Variants in PRDM6 observed in about 807,000 individuals in gnomAD.
The protein encoded by PRDM6 is PR/SET domain 6.
A neutral mutation model predicts 60.8 loss-of-function variants in PRDM6; 25 were observed. The observed-to-expected ratio is 0.41, with a 90% CI of 0.30 to 0.57. The LOEUF is 0.57. Ranked by LOEUF, PRDM6 falls within the 20% of genes least tolerant of loss-of-function variation. PRDM6 has a pLI of 0.27. For missense variants in PRDM6, 839 were observed against 821.3 expected (o/e 1.02, Z -0.26); for synonymous variants, 407 against 357.4 (o/e 1.14, Z -1.57).
At chr5:123,098,579 G>T (rs1764015556) in intron 2 of PRDM6, among the ~76,000 whole-genome samples, 1 of 152,192 alleles carries the variant, frequency 6.6e-6, no homozygotes, top group Non-Finnish European at 1.5e-5. Context: ...GCCCACTACC[G>T]CCCGGCCCGG....
At chr5:123,100,039 T>TTGGCCGGCA in intron 3 of PRDM6, 78 bp downstream of exon 3, 2 of 1,391,534 alleles carry the variant, frequency 1.4e-6, no homozygotes, top group Non-Finnish European at 9.5e-7. Flanking sequence ...GCAGGGAGCC[T>TTGGCCGGCA]GGCCTTTGGC....
At chr5:123,093,550 A>T (rs1246236785) in intron 2 of PRDM6, among the ~76,000 whole-genome samples, 2 of 152,142 alleles carry the variant, frequency 1.3e-5, no homozygotes. Flanking sequence ...TACAGTTTCC[A>T]CCGAAGCTCT....
chr5:123,159,281 T>G (rs1437141258), intron 4 of PRDM6, among the ~76,000 whole-genome samples: 2 of 152,204 alleles, frequency 1.3e-5, no homozygotes, highest in African/African-American at 2.4e-5. Flanking sequence ...TATCTGTCTC[T>G]TCAGCCAGTT....
intron 3 of PRDM6, among the ~76,000 whole-genome samples, chr5:123,146,044 T>A (rs1765231247): frequency 6.6e-6 from 1 of 152,230 alleles, no homozygotes; most frequent in African/African-American, 2.4e-5. Flanking sequence ...GTCTATTTTT[T>A]AGAGATGTTC....
chr5:123,166,258 C>G (rs1765749892), intron 5 of PRDM6, among the ~76,000 whole-genome samples: 1 of 152,176 alleles, frequency 6.6e-6, no homozygotes, highest in South Asian at 2.1e-4. Context: ...GCACAAGACT[C>G]TATGGCAAAG....
chr5:123,170,656 A>C (rs1401293505), intron 5 of PRDM6, 110 bp from the exon 6 acceptor site: 2 of 829,812 alleles, frequency 2.4e-6, no homozygotes, highest in African/African-American at 3.5e-5. Flanking sequence ...TGAGTCCAGA[A>C]ACACAAATTC....
At chr5:123,091,140 CGCTGGCCAGGCCTCACT>C (rs995505686) in intron 2 of PRDM6, among the ~76,000 whole-genome samples, 4 of 152,102 alleles carry the variant, frequency 2.6e-5, no homozygotes, top group Non-Finnish European at 4.4e-5. Context: ...GGGAGCTGTT[CGCTGGCCAGGCCTCACT>C]GGAGTAGGAA....
At chr5:123,133,072 A>G (rs1764870693) in intron 3 of PRDM6, among the ~76,000 whole-genome samples, 1 of 152,118 alleles carries the variant, frequency 6.6e-6, no homozygotes, top group Admixed American at 6.5e-5. Flanking sequence ...CTTGATATTG[A>G]TAACACATTT....
chr5:123,163,935 A>G (rs1253192236), intron 5 of PRDM6, among the ~76,000 whole-genome samples: 1 of 152,132 alleles, frequency 6.6e-6, no homozygotes, highest in East Asian at 1.9e-4. Context: ...AAGAGCAGAA[A>G]ATAAAAAGTG....
chr5:123,159,825 G>C (rs1181371626), intron 5 of PRDM6, among the ~76,000 whole-genome samples, 187 bp downstream of exon 5: 2 of 152,152 alleles, frequency 1.3e-5, no homozygotes, highest in Non-Finnish European at 2.9e-5. Context: ...ATCTTAACCT[G>C]TATGGGCCAG....
At chr5:123,091,827 A>G (rs1763846413) in intron 2 of PRDM6, among the ~76,000 whole-genome samples, 1 of 152,246 alleles carries the variant, frequency 6.6e-6, no homozygotes, top group Non-Finnish European at 1.5e-5. Flanking sequence ...TCAATTTTGA[A>G]TAAGTTGCTT....
At position 123,189,569 on chromosome 5, in the gene PRDM6, C is replaced by G. The variant is rs1463287917; in HGVS notation, c.*2368C>G. Reference sequence around the variant, plus strand: ...AACTTCCACTGAATGTGGCAGTAACCTGTACTCCAAAACACTCTTCTAGTG... The same window carrying G: ...AACTTCCACTGAATGTGGCAGTAACGTGTACTCCAAAACACTCTTCTAGTG... On this transcript the variant is annotated 3_prime_UTR_variant, in exon 8 of 8. Transcript: ENST00000407847. 1 of 152,220 alleles carries G rather than the reference C, an allele frequency of 6.6e-6. No homozygotes were observed. The highest frequency in any genetic ancestry group is 1.5e-5 in the Non-Finnish European group (1 of 68,036). The allele number at this position is 152,220 out of a possible 1,614,324, so 9.4% of individuals were successfully genotyped here.
intron 3 of PRDM6, among the ~76,000 whole-genome samples, chr5:123,135,063 A>G (rs1011797749): frequency 3.3e-5 from 5 of 152,172 alleles, no homozygotes; most frequent in African/African-American, 9.6e-5. Context: ...GCTGAAAGCA[A>G]ATTATCTCTG....
At chr5:123,094,876 A>C (rs1221966391) in intron 2 of PRDM6, among the ~76,000 whole-genome samples, 1 of 152,094 alleles carries the variant, frequency 6.6e-6, no homozygotes, top group Non-Finnish European at 1.5e-5. Context: ...CAGTCATCGG[A>C]AGACAAATAA....
chr5:123,122,433 T>C (rs1561827948), intron 3 of PRDM6, among the ~76,000 whole-genome samples: 1 of 152,176 alleles, frequency 6.6e-6, no homozygotes, highest in Non-Finnish European at 1.5e-5. Context: ...ATTTTATTTA[T>C]TGGATTTCTC....
intron 3 of PRDM6, among the ~76,000 whole-genome samples, chr5:123,113,915 G>A (rs1026119602): frequency 6.6e-6 from 1 of 152,184 alleles, no homozygotes; most frequent in Non-Finnish European, 1.5e-5. Flanking sequence ...TCAGCATTCA[G>A]AGAAACACAT....
At chr5:123,154,600 A>AC (rs1265161456) in intron 3 of PRDM6, among the ~76,000 whole-genome samples, 9 of 152,098 alleles carry the variant, frequency 5.9e-5, no homozygotes, top group Non-Finnish European at 1.3e-4. Flanking sequence ...GCCCGTTTGC[A>AC]CCCCCTCCCC....
chr5:123,192,156 G>A lies in PRDM6; in HGVS notation c.*4955G>A, dbSNP rs184326837. The stretch of plus-strand genomic sequence containing the variant: ...GCGCTTATTCCCACAGAGGTTGATG[G>A]GAATGATGATGATTATAAATTATAT... On this transcript the variant is annotated 3_prime_UTR_variant, in exon 8 of 8. Transcript: ENST00000407847. 1.3e-5 allele frequency: 2 copies of A among 152,128 alleles called. No individual in the cohort carries two copies. Among genetic ancestry groups the A allele is most frequent in the Non-Finnish European group, 2.9e-5 (2 of 68,026 alleles). The allele number at this position is 152,128 out of a possible 1,614,324, so 9.4% of individuals were successfully genotyped here. A position where few individuals can be genotyped will look rare whatever the true frequency, so the allele number is the denominator to read the frequency against.
chr5:123,186,041 G>A (rs528347043), intron 7 of PRDM6, among the ~76,000 whole-genome samples: 1 of 152,296 alleles, frequency 6.6e-6, no homozygotes, highest in African/African-American at 2.4e-5. Flanking sequence ...AGGGCATTAG[G>A]GGTGGCTGAG....
Sources: gnomAD v4.1 joint callset for allele counts (sites outside exome capture counted in the v4.1 genomes callset) on GRCh38, gnomAD v4.1.1 for gene constraint, MANE v1.5 for transcripts, NCBI Gene and HGNC (gene_info 2026-07-23, HGNC 2026-07-21) for gene names.